The following PIK3C2B variants were observed in gnomAD, a reference collection of about 807,000 sequenced individuals.
PIK3C2B encodes phosphatidylinositol-4-phosphate 3-kinase catalytic subunit type 2 beta.
PIK3C2B carries 83 observed loss-of-function variants against 184.3 expected under a neutral mutation model. The observed-to-expected ratio is 0.45, with a 90% CI of 0.38 to 0.54. The LOEUF (loss-of-function observed/expected upper bound fraction) is 0.54, where lower values mean the gene tolerates loss of function less well. Ranked by LOEUF, PIK3C2B falls within the 20% of genes least tolerant of loss-of-function variation. PIK3C2B has a pLI of 0.00. For synonymous variants in PIK3C2B, 779 were observed against 837.6 expected (o/e 0.93, Z 1.21); for missense variants, 1,736 against 2,113.5 (o/e 0.82, Z 3.50).
rs1329349480 is a variant in PIK3C2B at position 204,426,646 on chromosome 1, T to G, written c.4588-905A>C. On this transcript the variant is annotated intron_variant, in intron 31 of 32. Coordinates refer to ENST00000684373, the MANE Select transcript of PIK3C2B (RefSeq NM_001377334.1). ...GCCTGTGTGCCGTTCCCAACTAGAA[T>G]GTAAGCCCCCTGAGGGCAGGGATTT... Among the ~76,000 whole-genome samples, 5 of 152,336 alleles carry G rather than the reference T, an allele frequency of 3.3e-5. No homozygotes were observed. The East Asian group carries it at 7.7e-4, about 23-fold the overall frequency.
At position 204,478,919 on chromosome 1, in the gene PIK3C2B, C is replaced by A. The variant is rs543181440; in HGVS notation, c.-84-9033G>T. On this transcript the variant is annotated intron_variant, in intron 1 of 32. Coordinates refer to ENST00000684373, the MANE Select transcript of PIK3C2B (RefSeq NM_001377334.1). ...GCACTGCTGACTCCAACTCAGAGACCCCGATTCTAGCTCAGAAACCATTTG... is the reference window on the plus strand; with the variant it reads ...GCACTGCTGACTCCAACTCAGAGACACCGATTCTAGCTCAGAAACCATTTG... 2.0e-5 allele frequency among the ~76,000 whole-genome samples: 3 copies of A among 152,312 alleles called. No homozygotes were observed. In the South Asian group the frequency reaches 6.2e-4, roughly 32 times the overall value.
intron 1 of PIK3C2B, among the ~76,000 whole-genome samples, chr1:204,474,896 C>T (rs1212126706): frequency 6.6e-6 from 1 of 152,086 alleles, no homozygotes; most frequent in Non-Finnish European, 1.5e-5. Context: ...CCCAGTCCCC[C>T]AAGCTAAAAA....
rs143628100 is a variant in PIK3C2B at position 204,433,073 on chromosome 1, G to C, written c.3953+243C>G. ...ACCTAGTGAGAATGTAGATAAGAGT[G>C]ATGGCAATACCCTTGTGTGCAAAGG... On this transcript the variant is annotated intron_variant, in intron 26 of 32. Transcript: ENST00000684373. This position sits in a 1 kb window ranked among gnomAD's most constrained non-coding sequence, Gnocchi z 5.0. Among the ~76,000 whole-genome samples the C allele has an allele frequency of 2.0e-5, 3 of 152,354 alleles. No individual in the cohort carries two copies. Among genetic ancestry groups the C allele is most frequent in the South Asian group, 2.1e-4 (1 of 4,832 alleles).
At chr1:204,492,241 T>C (rs1162738377) in intron 1 of PIK3C2B, among the ~76,000 whole-genome samples, 1 of 152,182 alleles carries the variant, frequency 6.6e-6, no homozygotes, top group Non-Finnish European at 1.5e-5. Flanking sequence ...ATTTCATTAT[T>C]AATCCTGTGA....
intron 14 of PIK3C2B, 115 bp downstream of exon 14, chr1:204,449,070 T>C (rs2271427): frequency 0.77 from 559,447 of 726,324 alleles, 218,043 homozygotes; most frequent in Admixed American, 0.83. Context: ...CATCCTCCCA[T>C]GCTTGAAGTT....
Position 204,469,571 on chromosome 1 carries a change from G to A in PIK3C2B, c.232C>T (p.Leu78Phe). Residue 78 changes from leucine to phenylalanine, a missense_variant, in exon 2 of 33, where the codon CTC (leucine) becomes TTC (phenylalanine). This residue lies in a region of PIK3C2B where 404 missense variants were observed against 418.0 expected (regional missense o/e 0.97). Coordinates refer to ENST00000684373, the MANE Select transcript of PIK3C2B (RefSeq NM_001377334.1). ...YSKPAGRRTD[L>F]KLLRGLSGSD... ...CCAGAGAGACCGCGTAACAGCTTGA[G>A]GTCGGTCCGCCTTCCTGCTGGCTTG... The A allele has an allele frequency of 6.3e-7, 1 of 1,593,288 alleles. No individual in the cohort carries two copies. The highest frequency in any genetic ancestry group is 8.6e-7 in the Non-Finnish European group (1 of 1,168,702).
In PIK3C2B at chr1:204,460,790, C is replaced by T. The variant is rs1655272396; in HGVS notation, c.1311-129G>A. The T allele has an allele frequency of 1.5e-5, 10 of 655,350 alleles. No individual in the cohort carries two copies. In the South Asian group the frequency reaches 1.8e-4, roughly 12 times the overall value. 40.6% of individuals were successfully genotyped at this position (655,350 alleles called of 1,614,324 possible). On this transcript the variant is annotated intron_variant, in intron 5 of 32. Transcript: ENST00000684373. Reference sequence around the variant, plus strand: ...TAAGGGGGTAGTACCCGTGTTGTACCCTACTTTGGCTCCTAGAAAATGACA... The same window carrying T: ...TAAGGGGGTAGTACCCGTGTTGTACTCTACTTTGGCTCCTAGAAAATGACA...
chr1:204,428,330 A>C (rs1674860642), intron 29 of PIK3C2B, 110 bp from the exon 30 acceptor site: 1 of 673,718 alleles, frequency 1.5e-6, no homozygotes, highest in Admixed American at 2.5e-5. Context: ...AACAACCAAC[A>C]ACATGCAGTT....
At chr1:204,450,348 T>G (rs1002851379) in intron 12 of PIK3C2B, among the ~76,000 whole-genome samples, 7 of 152,172 alleles carry the variant, frequency 4.6e-5, no homozygotes, top group African/African-American at 1.7e-4. Context: ...ACACGTCCCA[T>G]GTTGTCAGCC....
Position 204,447,324 on chromosome 1 carries a change from G to A in PIK3C2B, c.2489+112C>T. ...CTGGGGGCTGCCTCCACTTCCTGCT[G>A]AGATGGCAATGCCCACCCCTTCCCA... On this transcript the variant is annotated intron_variant, in intron 15 of 32. Transcript: ENST00000684373. The surrounding 1 kb of genome is among the most constrained non-coding windows in gnomAD (Gnocchi z 4.1). The A allele has an allele frequency of 9.7e-7, 1 of 1,033,294 alleles. No individual in the cohort carries two copies. The highest frequency in any genetic ancestry group is 2.5e-5 in the East Asian group (1 of 40,480). The allele number at this position is 1,033,294 out of a possible 1,614,324, so 64.0% of individuals were successfully genotyped here.
intron 12 of PIK3C2B, 112 bp from the exon 13 acceptor site, chr1:204,450,129 G>GGA: frequency 2.2e-6 from 2 of 889,258 alleles, no homozygotes; most frequent in Non-Finnish European, 3.3e-6. Context: ...TCCCTCTCAG[G>GGA]GTTCAGACAT....
chr1:204,466,813 G>A (rs775713867), intron 2 of PIK3C2B: 1 of 531,398 alleles, frequency 1.9e-6, no homozygotes, highest in African/African-American at 1.9e-5. Context: ...CCCGATGCTG[G>A]CTGGGGGAGT....
At chr1:204,445,853 C>T in intron 16 of PIK3C2B, 103 bp downstream of exon 16, 1 of 703,624 alleles carries the variant, frequency 1.4e-6, no homozygotes, top group Non-Finnish European at 2.2e-6. Flanking sequence ...TCCACACCCA[C>T]TTTACCATTT....
chr1:204,467,971 C>A (rs1655955356), intron 2 of PIK3C2B, among the ~76,000 whole-genome samples: 5 of 152,132 alleles, frequency 3.3e-5, no homozygotes, highest in Admixed American at 3.3e-4. Context: ...TGCTGAAGCT[C>A]CCCTAAACCA....
At chr1:204,425,076 A>G in intron 32 of PIK3C2B, 36 bp from the exon 33 acceptor site, 1 of 1,549,584 alleles carries the variant, frequency 6.5e-7, no homozygotes, top group Non-Finnish European at 8.9e-7. Context: ...AAGTGGTGAG[A>G]GAAGGAACAA....
rs111917616 is a variant in PIK3C2B at position 204,476,244 on chromosome 1, A to G, written c.-84-6358T>C. Among the ~76,000 whole-genome samples, 100 of 152,214 alleles carry G rather than the reference A, an allele frequency of 6.6e-4. 1 individual carries two copies. The highest frequency in any genetic ancestry group is 2.4e-3 in the African/African-American group (100 of 41,530). On this transcript the variant is annotated intron_variant, in intron 1 of 32. Coordinates refer to ENST00000684373, the MANE Select transcript of PIK3C2B (RefSeq NM_001377334.1). ...TGTTTCCTGCCTCCCCACTTCCCCAATTCAGTTCTCTCTCTGTCAGGCTCT... is the reference window on the plus strand; with the variant it reads ...TGTTTCCTGCCTCCCCACTTCCCCAGTTCAGTTCTCTCTCTGTCAGGCTCT...
At position 204,433,658 on chromosome 1, in the gene PIK3C2B, T is replaced by C; in HGVS notation, c.3843+135A>G. The C allele has an allele frequency of 1.1e-6, 1 of 891,926 alleles. No individual in the cohort carries two copies. The highest frequency in any genetic ancestry group is 2.1e-5 in the Admixed American group (1 of 48,700). 55.3% of individuals were successfully genotyped at this position (891,926 alleles called of 1,614,324 possible). A position where few individuals can be genotyped will look rare whatever the true frequency, so the allele number is the denominator to read the frequency against. ...CAGGTAGTCTGGGTCCCTGCCTTTA[T>C]CTAGGGCAGGCAGGTATTCAGTTGG... is the stretch of plus-strand genomic sequence containing the variant. On this transcript the variant is annotated intron_variant, in intron 25 of 32. Transcript: ENST00000684373. This position sits in a 1 kb window ranked among gnomAD's most constrained non-coding sequence, Gnocchi z 5.0.
In PIK3C2B at chr1:204,450,022, G is replaced by A. The variant is rs1654219342; in HGVS notation, c.2067-5C>T. 1 of 1,549,086 alleles carries A rather than the reference G, an allele frequency of 6.5e-7. No homozygotes were observed. Among genetic ancestry groups the A allele is most frequent in the African/African-American group, 1.4e-5 (1 of 73,274 alleles). ...ACCTGCACTGGGAAGCAGATCCTAT[G>A]GAGGACAGGAAGTCAAATTAGGAGG... On this transcript the variant is annotated splice_region_variant and splice_polypyrimidine_tract_variant and intron_variant, in intron 12 of 32. Coordinates refer to ENST00000684373, the MANE Select transcript of PIK3C2B (RefSeq NM_001377334.1).
rs1417455024 is a variant in PIK3C2B at position 204,494,551 on chromosome 1, C to T, written c.-280G>A. On this transcript the variant is annotated 5_prime_UTR_variant, in exon 1 of 33. Coordinates refer to ENST00000684373, the MANE Select transcript of PIK3C2B (RefSeq NM_001377334.1). ...CAGGCTCCGCACAGACCCTAGGCTC[C>T]AAGGGGCAGAGGGAGAGGCAGCAAA... is the stretch of plus-strand genomic sequence containing the variant. 2.0e-5 allele frequency: 3 copies of T among 152,346 alleles called. No homozygotes were observed. Among genetic ancestry groups the T allele is most frequent in the Non-Finnish European group, 2.9e-5 (2 of 68,188 alleles). 9.4% of individuals were successfully genotyped at this position (152,346 alleles called of 1,614,324 possible). A position where few individuals can be genotyped will look rare whatever the true frequency, so the allele number is the denominator to read the frequency against.
Sources: allele counts gnomAD v4.1 joint callset (sites outside exome capture counted in the v4.1 genomes callset), GRCh38; gene constraint gnomAD v4.1.1; regional missense constraint gnomAD v4.1.1; non-coding constraint Gnocchi (gnomAD v3.1); transcripts MANE v1.5; gene names NCBI Gene and HGNC (gene_info 2026-07-23, HGNC 2026-07-21).